The following PCDHA11 variants were observed in gnomAD, a reference collection of about 807,000 sequenced individuals.
The protein encoded by PCDHA11 is protocadherin alpha 11.
In PCDHA11, 61 loss-of-function variants were observed where a neutral mutation model predicts 70.3. That is an observed-to-expected ratio of 0.87 (90% CI 0.71 to 1.07). The LOEUF is 1.07. Ranked by LOEUF, PCDHA11 falls within the 50% of genes least tolerant of loss-of-function variation. The pLI, the probability that PCDHA11 is intolerant of heterozygous loss-of-function variation, is 0.00. For missense variants in PCDHA11, 1,324 were observed against 1,237.5 expected (o/e 1.07, Z -1.05); for synonymous variants, 633 against 555.1 (o/e 1.14, Z -1.97).
At chr5:140,960,067 A>T (rs1423900287) in intron 1 of PCDHA11, among the ~76,000 whole-genome samples, 1 of 152,228 alleles carries the variant, frequency 6.6e-6, no homozygotes, top group East Asian at 1.9e-4. Context: ...AGAAGATTCA[A>T]TTGAAGTTTC....
chr5:140,878,406 T>A (rs1198360264), intron 1 of PCDHA11, among the ~76,000 whole-genome samples: 2 of 152,254 alleles, frequency 1.3e-5, no homozygotes, highest in Non-Finnish European at 2.9e-5. Flanking sequence ...CAAAATATCT[T>A]CTTTATTTCA....
At chr5:140,882,871 C>T in intron 1 of PCDHA11, 1 of 1,614,164 alleles carries the variant, frequency 6.2e-7, no homozygotes, top group East Asian at 2.2e-5. Flanking sequence ...AAACACTGGA[C>T]AGAGAGGAAA....
chr5:140,916,692 C>T (rs968252842), intron 1 of PCDHA11, among the ~76,000 whole-genome samples: 47 of 152,270 alleles, frequency 3.1e-4, no homozygotes, highest in African/African-American at 1.0e-3. Flanking sequence ...TCTTTTCTCT[C>T]CTCTCCTTAA....
chr5:140,875,695 C>T (rs782520558), intron 1 of PCDHA11: 4 of 1,613,962 alleles, frequency 2.5e-6, no homozygotes, highest in East Asian at 2.2e-5. Context: ...CGGGGACCTT[C>T]TGGAGGTAAA....
At chr5:140,898,371 G>A (rs13156913) in intron 1 of PCDHA11, among the ~76,000 whole-genome samples, 3 of 152,142 alleles carry the variant, frequency 2.0e-5, no homozygotes, top group African/African-American at 7.2e-5. Flanking sequence ...TTTGTATAAG[G>A]TGTAAGGAAG....
chr5:140,989,085 C>T (rs1481898269), intron 3 of PCDHA11: 7 of 152,258 alleles, frequency 4.6e-5, no homozygotes, highest in Non-Finnish European at 7.4e-5. Context: ...CTCTGAAAAC[C>T]TTGTCAGGAG....
At chr5:140,950,551 G>T (rs1162032370) in intron 1 of PCDHA11, among the ~76,000 whole-genome samples, 1 of 151,932 alleles carries the variant, frequency 6.6e-6, no homozygotes, top group African/African-American at 2.4e-5. Context: ...CATGGCTGGG[G>T]GGACACTTAT....
chr5:140,882,081 T>G, intron 1 of PCDHA11: 1 of 985,220 alleles, frequency 1.0e-6, no homozygotes, highest in Non-Finnish European at 1.5e-6. Context: ...ATGGTGTCGC[T>G]CTTCACTGAG....
intron 3 of PCDHA11, among the ~76,000 whole-genome samples, chr5:140,987,740 A>G (rs1454887233): frequency 6.6e-6 from 1 of 152,078 alleles, no homozygotes; most frequent in Admixed American, 6.5e-5. Flanking sequence ...CAAAATTTAG[A>G]CCCAGGTTGT....
chr5:140,995,674 A>AT (rs1240189428), intron 3 of PCDHA11, among the ~76,000 whole-genome samples: 2 of 152,112 alleles, frequency 1.3e-5, no homozygotes, highest in South Asian at 2.1e-4. Context: ...TAAATGCAGC[A>AT]TTTTTTTTAA....
chr5:141,000,705 G>A (rs912231910), intron 3 of PCDHA11, among the ~76,000 whole-genome samples: 6 of 151,458 alleles, frequency 4.0e-5, no homozygotes, highest in African/African-American at 1.2e-4. Context: ...TGGGATTACA[G>A]GCATGAGCCA....
intron 1 of PCDHA11, chr5:140,968,827 C>T (rs1398985109): frequency 1.2e-6 from 2 of 1,614,094 alleles, no homozygotes; most frequent in Non-Finnish European, 1.7e-6. Context: ...TTTCCAAAAT[C>T]CTCCCTGACA....
chr5:140,987,138 C>T (rs2097231368), intron 3 of PCDHA11, among the ~76,000 whole-genome samples: 1 of 151,182 alleles, frequency 6.6e-6, no homozygotes, highest in Non-Finnish European at 1.5e-5. Context: ...TGCTTGAACT[C>T]GGGAGGTGGA....
intron 3 of PCDHA11, 75 bp from the exon 4 acceptor site, chr5:141,009,552 C>T: frequency 6.4e-7 from 1 of 1,562,176 alleles, no homozygotes; most frequent in Non-Finnish European, 8.7e-7. Context: ...TGCAGTACTC[C>T]TGTACTCTAC....
intron 1 of PCDHA11, among the ~76,000 whole-genome samples, chr5:140,917,087 C>G (rs1275905052): frequency 6.6e-6 from 1 of 152,100 alleles, no homozygotes; most frequent in Non-Finnish European, 1.5e-5. Flanking sequence ...GTAAAGTTCC[C>G]CAGTTGCTGT....
At chr5:140,895,273 A>T (rs2064941325) in intron 1 of PCDHA11, among the ~76,000 whole-genome samples, 2 of 151,970 alleles carry the variant, frequency 1.3e-5, no homozygotes, top group South Asian at 4.1e-4. Context: ...TTACTCAGGG[A>T]TAATTGAATT....
At chr5:140,883,759 G>C (rs1554179777) in intron 1 of PCDHA11, 1 of 1,612,822 alleles carries the variant, frequency 6.2e-7, no homozygotes, top group Non-Finnish European at 8.5e-7. Context: ...TGGTGGAGCG[G>C]CGGGTGGGCG....
At chr5:140,944,839 G>C (rs1449491788) in intron 1 of PCDHA11, among the ~76,000 whole-genome samples, 3 of 152,130 alleles carry the variant, frequency 2.0e-5, no homozygotes, top group African/African-American at 7.2e-5. Flanking sequence ...TGTAAAATGA[G>C]ATATTAGAAT....
At chr5:140,906,099 T>G (rs1377633678) in intron 1 of PCDHA11, among the ~76,000 whole-genome samples, 1 of 152,118 alleles carries the variant, frequency 6.6e-6, no homozygotes, top group African/African-American at 2.4e-5. Flanking sequence ...AGTAAGTGTG[T>G]CTTTCCCAGT....
Sources: gnomAD v4.1 joint callset for allele counts (sites outside exome capture counted in the v4.1 genomes callset) on GRCh38, gnomAD v4.1.1 for gene constraint, MANE v1.5 for transcripts, NCBI Gene and HGNC (gene_info 2026-07-23, HGNC 2026-07-21) for gene names.